ACOX3: variants seen among roughly 807,000 people sequenced by gnomAD.
ACOX3 encodes the protein peroxisomal acyl-coenzyme A oxidase 3.
Under a neutral mutation model 81.5 loss-of-function variants are expected in ACOX3, and 73 were observed. The observed-to-expected ratio is 0.90, with a 90% CI of 0.74 to 1.09. The LOEUF (loss-of-function observed/expected upper bound fraction) is 1.09. Ranked by LOEUF, ACOX3 falls within the 50% of genes least tolerant of loss-of-function variation. The probability of loss-of-function intolerance (pLI) is 0.00; values close to 1 mark genes in which losing one functional copy is unlikely to be tolerated. For missense variants in ACOX3, 947 were observed against 928.0 expected (o/e 1.02, Z -0.27); for synonymous variants, 387 against 375.1 (o/e 1.03, Z -0.37).
chr4:8,431,807 C>T lies in ACOX3; in HGVS notation c.-15+8841G>A, dbSNP rs1483650504. ...TCCCACTTCTGCTCCCTTCGGCACA[C>T]CGATTCCCTGCTCAGTTTTAGACCT... On this transcript the variant is annotated intron_variant, in intron 1 of 17. Transcript: ENST00000356406. The surrounding 1 kb of genome is among the most constrained non-coding windows in gnomAD (Gnocchi z 5.3). Among the ~76,000 whole-genome samples, 1 of 152,230 alleles carries T rather than the reference C, an allele frequency of 6.6e-6. No homozygotes were observed. The highest frequency in any genetic ancestry group is 6.5e-5 in the Admixed American group (1 of 15,288).
chr4:8,415,101 G>A (rs919219605), intron 3 of ACOX3, among the ~76,000 whole-genome samples, 173 bp from the exon 4 acceptor site: 10 of 152,258 alleles, frequency 6.6e-5, no homozygotes, highest in African/African-American at 2.4e-4. Context: ...CAGCCTGGAT[G>A]CCCAAGGCCA....
At position 8,405,500 on chromosome 4, in the gene ACOX3, A is replaced by C. The variant is rs547315706; in HGVS notation, c.776+455T>G. Among the ~76,000 whole-genome samples, 1 of 152,362 alleles carries C rather than the reference A, an allele frequency of 6.6e-6. No homozygotes were observed. The highest frequency in any genetic ancestry group is 2.4e-5 in the African/African-American group (1 of 41,590). ...AATAAGCCAGCGGAATTCTCTTTCTAAGTGCTGTGACACTGGGATTACCCG... is the reference window on the plus strand; with the variant it reads ...AATAAGCCAGCGGAATTCTCTTTCTCAGTGCTGTGACACTGGGATTACCCG... On this transcript the variant is annotated intron_variant, in intron 7 of 17. Coordinates refer to ENST00000356406, the MANE Select transcript of ACOX3 (RefSeq NM_003501.3). The surrounding 1 kb of genome is among the most constrained non-coding windows in gnomAD (Gnocchi z 7.1).
In ACOX3 at chr4:8,410,483, C is replaced by T. The variant is rs1721597566; in HGVS notation, c.544-128G>A. 7.1e-6 allele frequency: 9 copies of T among 1,258,920 alleles called. No individual in the cohort carries two copies. In the Admixed American group the frequency reaches 1.9e-4, roughly 27 times the overall value. 78.0% of individuals were successfully genotyped at this position (1,258,920 alleles called of 1,614,324 possible). The stretch of plus-strand genomic sequence containing the variant: ...CTGAGGCAAGAGTTGAAACTAATCG[C>T]ACATTTTAGTTCTTGTATGGCACAG... On this transcript the variant is annotated intron_variant, in intron 5 of 17. Coordinates refer to ENST00000356406, the MANE Select transcript of ACOX3 (RefSeq NM_003501.3).
rs1056540586 is a variant in ACOX3 at position 8,384,506 on chromosome 4, T to A, written c.1538-2899A>T. On this transcript the variant is annotated intron_variant, in intron 13 of 17. Transcript: ENST00000356406. This position sits in a 1 kb window ranked among gnomAD's most constrained non-coding sequence, Gnocchi z 5.3. The stretch of plus-strand genomic sequence containing the variant: ...ACACACCCAGCGTCAACAACCTCTG[T>A]CCTCAAGACTCTCCCAGAATCCTGG... Among the ~76,000 whole-genome samples the A allele has an allele frequency of 1.3e-5, 2 of 152,138 alleles. No homozygotes were observed. The highest frequency in any genetic ancestry group is 6.5e-5 in the Admixed American group (1 of 15,272).
chr4:8,396,951 C>A lies in ACOX3; in HGVS notation c.1042G>T (p.Glu348Ter), dbSNP rs770582936. The A allele has an allele frequency of 6.2e-7, 1 of 1,611,762 alleles. No homozygotes were observed. The highest frequency in any genetic ancestry group is 1.1e-5 in the South Asian group (1 of 90,484). ...PTEEEEIPVL[E>*]YPMQQWRLLP... ...AAACCTCATACCTGCATTGGATACTCAAGCACTGGTATTTCCTCCTCCTCT... is the reference window on the plus strand; with the variant it reads ...AAACCTCATACCTGCATTGGATACTAAAGCACTGGTATTTCCTCCTCCTCT... Residue 348 changes from glutamate (E) to a stop codon, truncating the protein, a stop_gained, in exon 9 of 18, where the codon GAG becomes TAG. Coordinates refer to ENST00000356406, the MANE Select transcript of ACOX3 (RefSeq NM_003501.3). LOFTEE classifies it high-confidence loss of function.
At chr4:8,410,715 G>C (rs943726775) in intron 5 of ACOX3, among the ~76,000 whole-genome samples, 2 of 152,164 alleles carry the variant, frequency 1.3e-5, no homozygotes, top group African/African-American at 2.4e-5. Flanking sequence ...GGCTGTCTGT[G>C]CCCTGTGGGC....
At chr4:8,435,042 G>A (rs1724147339) in intron 1 of ACOX3, among the ~76,000 whole-genome samples, 1 of 151,936 alleles carries the variant, frequency 6.6e-6, no homozygotes, top group African/African-American at 2.4e-5. Context: ...TAGAAACTGT[G>A]TTAAAAAAAA....
rs981293083 is a variant in ACOX3, at chr4:8,366,817, G to C, written c.*144C>G. ...CTCCCTCCCGTCCGCCTGGGCAGTTGAGGCCAATCAGCAGTTTAGGCGCAC... is the reference window on the plus strand; with the variant it reads ...CTCCCTCCCGTCCGCCTGGGCAGTTCAGGCCAATCAGCAGTTTAGGCGCAC... On this transcript the variant is annotated 3_prime_UTR_variant, in exon 18 of 18. Coordinates refer to ENST00000356406, the MANE Select transcript of ACOX3 (RefSeq NM_003501.3). 1.7e-5 allele frequency: 21 copies of C among 1,213,684 alleles called. No homozygotes were observed. The highest frequency in any genetic ancestry group is 2.3e-5 in the Non-Finnish European group (20 of 875,880). 75.2% of individuals were successfully genotyped at this position (1,213,684 alleles called of 1,614,324 possible).
chr4:8,421,319 A>G (rs1035596029), intron 1 of ACOX3, among the ~76,000 whole-genome samples: 1 of 152,202 alleles, frequency 6.6e-6, no homozygotes, highest in African/African-American at 2.4e-5. Flanking sequence ...CTTTCTAACA[A>G]TCCCCAACCC....
At chr4:8,427,755 AAGACCGGCC>A (rs1467230791) in intron 1 of ACOX3, among the ~76,000 whole-genome samples, 3 of 152,196 alleles carry the variant, frequency 2.0e-5, no homozygotes, top group Non-Finnish European at 4.4e-5. Flanking sequence ...CCTGGGAGCA[AAGACCGGCC>A]AGTAACAATG....
chr4:8,364,325 T>A (rs1715296104), downstream of ACOX3, among the ~76,000 whole-genome samples: 1 of 152,244 alleles, frequency 6.6e-6, no homozygotes. This position sits in a 1 kb window ranked among gnomAD's most constrained non-coding sequence, Gnocchi z 5.0. Context: ...TGGCTCAGAA[T>A]AAACCTCTTC....
chr4:8,370,913 C>T lies in ACOX3; in HGVS notation c.1978G>A (p.Gly660Ser), dbSNP rs1177495988. 1.5e-5 allele frequency: 25 copies of T among 1,613,698 alleles called. No individual in the cohort carries two copies. Among genetic ancestry groups the T allele is most frequent in the East Asian group, 2.2e-5 (1 of 44,892 alleles). Residue 660 changes from glycine (G) to serine (S), a missense_variant, in exon 17 of 18, where the codon GGC becomes AGC. Coordinates refer to ENST00000356406, the MANE Select transcript of ACOX3 (RefSeq NM_003501.3). This position sits in a 1 kb window ranked among gnomAD's most constrained non-coding sequence, Gnocchi z 6.3. ...VLDSPIGRAD[G>S]ELYKNLWGAV... The stretch of plus-strand genomic sequence containing the variant: ...AGGCCCTGTCCTCCCTTTACCTCGC[C>T]GTCGGCTCTGCCAATCGGTGAGTCC...
chr4:8,379,486 C>A (rs1035697271), intron 14 of ACOX3, among the ~76,000 whole-genome samples: 5 of 152,210 alleles, frequency 3.3e-5, no homozygotes, highest in Admixed American at 6.5e-5. Flanking sequence ...TCAGCCGGAT[C>A]AGAACCCAGG....
rs1468516493 is a variant in ACOX3 at position 8,432,931 on chromosome 4, G to A, written c.-15+7717C>T. 1.3e-5 allele frequency among the ~76,000 whole-genome samples: 2 copies of A among 152,242 alleles called. No individual in the cohort carries two copies. Among genetic ancestry groups the A allele is most frequent in the African/African-American group, 4.8e-5 (2 of 41,466 alleles). On this transcript the variant is annotated intron_variant, in intron 1 of 17. Coordinates refer to ENST00000356406, the MANE Select transcript of ACOX3 (RefSeq NM_003501.3). The surrounding 1 kb of genome is among the most constrained non-coding windows in gnomAD (Gnocchi z 6.2). ...TTTCCCATAAATCTAATTTAAATCA[G>A]TTCCCTAGTTGCACTAGCTGCACTC... is the stretch of plus-strand genomic sequence containing the variant.
intron 5 of ACOX3, among the ~76,000 whole-genome samples, chr4:8,413,627 TCCCTCCAC>T (rs1227056997): frequency 5.1e-5 from 7 of 136,874 alleles, no homozygotes; most frequent in East Asian, 2.1e-4. Flanking sequence ...GTGGCCCATC[TCCCTCCAC>T]CCCTCCACCC....
intron 14 of ACOX3, among the ~76,000 whole-genome samples, chr4:8,377,490 C>T (rs1048963428): frequency 6.6e-6 from 1 of 150,908 alleles, no homozygotes. Context: ...GAGCAAAAGG[C>T]GTCATGGCTC....
chr4:8,431,841 T>C lies in ACOX3; in HGVS notation c.-15+8807A>G, dbSNP rs1353956874. Among the ~76,000 whole-genome samples the C allele has an allele frequency of 1.3e-5, 2 of 152,276 alleles. No homozygotes were observed. The highest frequency in any genetic ancestry group is 4.8e-5 in the African/African-American group (2 of 41,472). On this transcript the variant is annotated intron_variant, in intron 1 of 17. Coordinates refer to ENST00000356406, the MANE Select transcript of ACOX3 (RefSeq NM_003501.3). This position sits in a 1 kb window ranked among gnomAD's most constrained non-coding sequence, Gnocchi z 5.3. ...TGCTCAGTTTTAGACCTTGGTGCTA[T>C]TGACTGTCATTGGCCATTGTTGTTA...
In ACOX3 at chr4:8,374,966, C is replaced by T; in HGVS notation, c.1828+12G>A. On this transcript the variant is annotated intron_variant, in intron 15 of 17. Coordinates refer to ENST00000356406, the MANE Select transcript of ACOX3 (RefSeq NM_003501.3). ...CTGGGGAGGACAGCAAGCCCGCAGT[C>T]AGAAGCCTCACCTCGGTAGAGCAGG... is the stretch of plus-strand genomic sequence containing the variant. The T allele has an allele frequency of 6.7e-7, 1 of 1,497,368 alleles. No homozygotes were observed. The highest frequency in any genetic ancestry group is 9.0e-7 in the Non-Finnish European group (1 of 1,115,294). The allele number at this position is 1,497,368 out of a possible 1,614,324, so 92.8% of individuals were successfully genotyped here.
At position 8,406,559 on chromosome 4, in the gene ACOX3, G is replaced by C. The variant is rs1281362955; in HGVS notation, c.688-516C>G. 6.6e-6 allele frequency among the ~76,000 whole-genome samples: 1 copy of C among 152,008 alleles called. No individual in the cohort carries two copies. Among genetic ancestry groups the C allele is most frequent in the African/African-American group, 2.4e-5 (1 of 41,366 alleles). ...ACGGAGACCGGTAGTGGCCCCGAAG[G>C]CCAGGCTGCACTGATACTTATTGGA... On this transcript the variant is annotated intron_variant, in intron 6 of 17. Coordinates refer to ENST00000356406, the MANE Select transcript of ACOX3 (RefSeq NM_003501.3). The surrounding 1 kb of genome is among the most constrained non-coding windows in gnomAD (Gnocchi z 5.6).
Sources: allele counts gnomAD v4.1 joint callset (sites outside exome capture counted in the v4.1 genomes callset), GRCh38; gene constraint gnomAD v4.1.1; non-coding constraint Gnocchi (gnomAD v3.1); transcripts MANE v1.5; gene names NCBI Gene and HGNC (gene_info 2026-07-23, HGNC 2026-07-21).